CCT7: variants seen among roughly 807,000 people sequenced by gnomAD.
CCT7 encodes chaperonin containing TCP1 subunit 7.
CCT7 carries 16 observed loss-of-function variants against 56.6 expected under a neutral mutation model. That is an observed-to-expected ratio of 0.28 (90% CI 0.19 to 0.43). The LOEUF (loss-of-function observed/expected upper bound fraction) is 0.43, where lower values mean the gene tolerates loss of function less well. Among genes scored for constraint, CCT7 ranks in the 20% least tolerant of loss-of-function variants. The probability of loss-of-function intolerance (pLI) is 1.00; values close to 1 mark genes in which losing one functional copy is unlikely to be tolerated. For synonymous variants in CCT7, 262 were observed against 254.8 expected, an observed-to-expected ratio of 1.03 and a Z score of -0.27; for missense variants, 519 against 685.6, an observed-to-expected ratio of 0.76 and a Z score of 2.71.
At chr2:73,250,167 C>T in intron 9 of CCT7, 139 bp from the exon 10 acceptor site, 1 of 1,055,046 alleles carries the variant, frequency 9.5e-7, no homozygotes, top group Admixed American at 2.1e-5. Context: ...AAGAAAATGT[C>T]TATAAGGTTG....
At chr2:73,251,527 C>T in intron 11 of CCT7, 95 bp downstream of exon 11, 2 of 1,115,354 alleles carry the variant, frequency 1.8e-6, no homozygotes, top group Admixed American at 4.0e-5. Context: ...ACGCCTGGCC[C>T]AGGAGATAGG....
chr2:73,239,415 C>G (rs945682910), intron 1 of CCT7: 3 of 503,234 alleles, frequency 6.0e-6, no homozygotes, highest in African/African-American at 1.9e-5. Flanking sequence ...CAGTGCTTCT[C>G]AAACCATTTT....
Position 73,252,890 on chromosome 2 carries a change from T to G in CCT7, c.*29T>G. On this transcript the variant is annotated 3_prime_UTR_variant, in exon 12 of 12. Coordinates refer to ENST00000258091, the MANE Select transcript of CCT7 (RefSeq NM_006429.4). ...GCACCCCACCCATCACATGGCTGGC[T>G]GGCTGCTGGGTGCACTTACCCTCCT... 6.4e-7 allele frequency: 1 copy of G among 1,570,428 alleles called. No individual in the cohort carries two copies. The highest frequency in any genetic ancestry group is 8.7e-7 in the Non-Finnish European group (1 of 1,143,708).
intron 11 of CCT7, 44 bp from the exon 12 acceptor site, chr2:73,252,596 G>A (rs746964911): frequency 3.3e-6 from 5 of 1,494,696 alleles, no homozygotes; most frequent in African/African-American, 2.8e-5. Context: ...GAGGAAAGTT[G>A]AAAGTAGTTC....
At position 73,244,025 on chromosome 2, in the gene CCT7, T is replaced by C; in HGVS notation, c.422T>C (p.Val141Ala). The C allele has an allele frequency of 6.2e-7, 1 of 1,613,636 alleles. No individual in the cohort carries two copies. Among genetic ancestry groups the C allele is most frequent in the Non-Finnish European group, 8.5e-7 (1 of 1,179,822 alleles). The part of the protein sequence containing the change: ...LAVNKIKEIA[V>A]TVKKADKVEQ... ...GTTAACAAGATCAAAGAGATTGCTG[T>C]GACCGTGAAGAAGGCAGATAAAGTG... is the stretch of plus-strand genomic sequence containing the variant. Residue 141 changes from valine to alanine, a missense_variant, in exon 5 of 12, where the codon GTG becomes GCG. Val to Ala is a moderately conservative substitution (Grantham distance 64). This residue lies in a region of CCT7 where 276 missense variants were observed against 357.3 expected (regional missense o/e 0.77). Coordinates refer to ENST00000258091, the MANE Select transcript of CCT7 (RefSeq NM_006429.4).
chr2:73,252,545 T>G, intron 11 of CCT7, 95 bp from the exon 12 acceptor site: 1 of 921,782 alleles, frequency 1.1e-6, no homozygotes, highest in South Asian at 1.5e-5. Context: ...TCAGAGAGTC[T>G]GCGGGTTCCT....
intron 1 of CCT7, among the ~76,000 whole-genome samples, chr2:73,236,812 T>C (rs538077886): frequency 6.6e-6 from 1 of 152,346 alleles, no homozygotes; most frequent in East Asian, 1.9e-4. Context: ...ACCCCATAGA[T>C]GCTCTCTACC....
At chr2:73,247,660 C>A in intron 6 of CCT7, 102 bp from the exon 7 acceptor site, 1 of 911,694 alleles carries the variant, frequency 1.1e-6, no homozygotes, top group Non-Finnish European at 1.7e-6. Flanking sequence ...ACATGATTAG[C>A]TCAGGCTCAC....
chr2:73,243,519 C>T (rs765778587), intron 4 of CCT7, among the ~76,000 whole-genome samples: 22 of 152,064 alleles, frequency 1.4e-4, no homozygotes, highest in Non-Finnish European at 4.4e-5. Flanking sequence ...GCCTTACTTT[C>T]TTTGCTATCT....
At chr2:73,243,235 C>A in intron 4 of CCT7, 106 bp downstream of exon 4, 1 of 1,305,814 alleles carries the variant, frequency 7.7e-7, no homozygotes, top group Non-Finnish European at 1.1e-6. Context: ...GAACAGGGTA[C>A]TTTGGGCATT....
At chr2:73,250,227 G>C in intron 9 of CCT7, 79 bp from the exon 10 acceptor site, 6 of 1,540,094 alleles carry the variant, frequency 3.9e-6, no homozygotes, top group Non-Finnish European at 5.3e-6. Context: ...TGAGTGTTGG[G>C]GGGGCTGGCA....
chr2:73,242,926 A>G (rs1045358549), intron 3 of CCT7, 78 bp from the exon 4 acceptor site: 1 of 1,537,852 alleles, frequency 6.5e-7, no homozygotes, highest in African/African-American at 1.4e-5. Context: ...TTAAATGGGT[A>G]GCGTGCCTAA....
At position 73,250,314 on chromosome 2, in the gene CCT7, T is replaced by G; in HGVS notation, c.1079T>G (p.Phe360Cys). 4 of 1,614,066 alleles carry G rather than the reference T, an allele frequency of 2.5e-6. No individual in the cohort carries two copies. Among genetic ancestry groups the G allele is most frequent in the Non-Finnish European group, 3.4e-6 (4 of 1,180,018 alleles). Reference protein sequence around the residue: ...ETQIGGERYNFFTGCPKAKTC... With the variant: ...ETQIGGERYNCFTGCPKAKTC... Reference sequence around the variant, plus strand: ...TTTAATCCTGGGCATAGGTACAATTTTTTTACTGGCTGCCCCAAGGCCAAG... The same window carrying G: ...TTTAATCCTGGGCATAGGTACAATTGTTTTACTGGCTGCCCCAAGGCCAAG... The change falls in exon 10 of 12, where the codon TTT becomes TGT. Residue 360 changes from phenylalanine to cysteine, a missense_variant. By Grantham distance (205) the Phe-to-Cys change is radical (BLOSUM62 -2). Transcript: ENST00000258091.
chr2:73,252,937 C>T lies in CCT7; in HGVS notation c.*76C>T, dbSNP rs1469393219. On this transcript the variant is annotated 3_prime_UTR_variant, in exon 12 of 12. Coordinates refer to ENST00000258091, the MANE Select transcript of CCT7 (RefSeq NM_006429.4). ...TCCTTGGCTTGGTTACTTCATTTTA[C>T]AAGGAAGGGGTAGTAATTGGCCCAC... is the stretch of plus-strand genomic sequence containing the variant. 1.9e-6 allele frequency: 2 copies of T among 1,051,682 alleles called. No individual in the cohort carries two copies. Among genetic ancestry groups the T allele is most frequent in the Non-Finnish European group, 2.8e-6 (2 of 707,708 alleles). The allele number at this position is 1,051,682 out of a possible 1,614,324, so 65.1% of individuals were successfully genotyped here.
intron 4 of CCT7, chr2:73,243,696 G>A (rs751202039): frequency 1.8e-4 from 62 of 336,284 alleles, no homozygotes; most frequent in Admixed American, 3.5e-4. Flanking sequence ...TTAATCTCGT[G>A]TCACAGCTGT....
Position 73,240,556 on chromosome 2 carries a change from TTG to T in CCT7, c.267+19_267+20del. The T allele has an allele frequency of 7.0e-7, 1 of 1,433,922 alleles. No individual in the cohort carries two copies. The highest frequency in any genetic ancestry group is 9.5e-7 in the Non-Finnish European group (1 of 1,054,310). The allele number at this position is 1,433,922 out of a possible 1,614,324, so 88.8% of individuals were successfully genotyped here. A position where few individuals can be genotyped will look rare whatever the true frequency, so the allele number is the denominator to read the frequency against. The stretch of plus-strand genomic sequence containing the variant: ...CCAAGATGCTGAGGTAGGAAAATAG[TTG>T]TGTGTTTAAATGGAGGTTGAAACAC... On this transcript the variant is annotated intron_variant, in intron 3 of 11. Transcript: ENST00000258091.
chr2:73,239,631 T>G lies in CCT7; in HGVS notation c.7-12T>G. On this transcript the variant is annotated splice_polypyrimidine_tract_variant and intron_variant, in intron 1 of 11. Transcript: ENST00000258091. The stretch of plus-strand genomic sequence containing the variant: ...ATGATTATTAAAAGCAGTTAATTTC[T>G]TTCTTTTCTAGCCCACACCAGTTAT... The G allele has an allele frequency of 1.2e-6, 2 of 1,612,698 alleles. No individual in the cohort carries two copies. The highest frequency in any genetic ancestry group is 1.7e-6 in the Non-Finnish European group (2 of 1,179,104).
chr2:73,238,896 G>A (rs1486419842), intron 1 of CCT7, among the ~76,000 whole-genome samples: 2 of 152,212 alleles, frequency 1.3e-5, no homozygotes, highest in African/African-American at 2.4e-5. Context: ...AAGCAGGTCT[G>A]CAAATGAAGC....
chr2:73,242,472 G>T (rs62149569), intron 3 of CCT7, among the ~76,000 whole-genome samples: 8,069 of 152,050 alleles, frequency 0.053, 325 homozygotes, highest in Non-Finnish European at 0.077. Flanking sequence ...TAGAGACAGG[G>T]TTTCACCGTG....
Sources: allele counts gnomAD v4.1 joint callset (sites outside exome capture counted in the v4.1 genomes callset), GRCh38; gene constraint gnomAD v4.1.1; regional missense constraint gnomAD v4.1.1; transcripts MANE v1.5; gene names NCBI Gene and HGNC (gene_info 2026-07-23, HGNC 2026-07-21).